NFKB1: variants seen among roughly 807,000 people sequenced by gnomAD.
NFKB1 encodes nuclear factor NF-kappa-B p105 subunit.
NFKB1 carries 9 observed loss-of-function variants against 105.1 expected under a neutral mutation model. The ratio of observed to expected loss-of-function variants is 0.09; its 90% CI spans 0.05 to 0.15. The LOEUF is 0.15. NFKB1 is among the 10% of genes least tolerant of loss of function. The pLI is 1.00. For missense variants in NFKB1, 830 were observed against 1,203.7 expected, an observed-to-expected ratio of 0.69 and a Z score of 4.59; for synonymous variants, 440 against 442.2, an observed-to-expected ratio of 1.00 and a Z score of 0.06.
In NFKB1 at chr4:102,613,449, C is replaced by T. The variant is rs535632370; in HGVS notation, c.2617C>T (p.Leu873=). 1.9e-5 allele frequency: 30 copies of T among 1,613,932 alleles called. 1 individual carries two copies. The South Asian group carries it at 2.9e-4, about 15-fold the overall frequency. Reference sequence around the variant, plus strand: ...GGTCTCTGGGGGTACAGTCAGAGAGCTGGTGGAGGCCCTGAGACAAATGGG... The same window carrying T: ...GGTCTCTGGGGGTACAGTCAGAGAGTTGGTGGAGGCCCTGAGACAAATGGG... ...YEVSGGTVRE[L]VEALRQMGYT... is the part of the protein sequence containing the mutation. Residue 873 remains leucine, a synonymous_variant, in exon 23 of 24, where the codon CTG becomes TTG. Coordinates refer to ENST00000226574, the MANE Select transcript of NFKB1 (RefSeq NM_003998.4).
chr4:102,535,333 C>T (rs1741563857), intron 4 of NFKB1, among the ~76,000 whole-genome samples: 1 of 151,980 alleles, frequency 6.6e-6, no homozygotes, highest in Non-Finnish European at 1.5e-5. Flanking sequence ...AAATGTAATT[C>T]CTTATTATGG....
At chr4:102,539,452 C>T (rs558409106) in intron 5 of NFKB1, among the ~76,000 whole-genome samples, 1 of 152,042 alleles carries the variant, frequency 6.6e-6, no homozygotes, top group African/African-American at 2.4e-5. Context: ...GTCATAGTTG[C>T]ATTTTAAGTC....
intron 5 of NFKB1, among the ~76,000 whole-genome samples, chr4:102,541,694 A>T (rs1173658850): frequency 6.6e-6 from 1 of 152,158 alleles, no homozygotes; most frequent in Non-Finnish European, 1.5e-5. Flanking sequence ...TCCAGAAGCC[A>T]TTCCCACAGG....
intron 1 of NFKB1, among the ~76,000 whole-genome samples, chr4:102,502,466 C>T (rs1228531013): frequency 1.3e-5 from 2 of 148,546 alleles, no homozygotes; most frequent in African/African-American, 2.5e-5. Context: ...TCTGATCCTC[C>T]GGGGCCTGGC....
chr4:102,526,921 T>C (rs1740952237), intron 2 of NFKB1, among the ~76,000 whole-genome samples: 3 of 136,956 alleles, frequency 2.2e-5, no homozygotes, highest in South Asian at 4.5e-4. Flanking sequence ...TGCTCTCTTT[T>C]TCGTGTGTGT....
At chr4:102,516,176 A>T (rs1740169348) in intron 1 of NFKB1, among the ~76,000 whole-genome samples, 1 of 147,950 alleles carries the variant, frequency 6.8e-6, no homozygotes. Context: ...CTATTTTGGG[A>T]TTTTTTTTTT....
At chr4:102,535,024 T>C (rs1446433037) in intron 4 of NFKB1, among the ~76,000 whole-genome samples, 3 of 152,166 alleles carry the variant, frequency 2.0e-5, no homozygotes, top group Non-Finnish European at 4.4e-5. Context: ...CATGAAACTT[T>C]GGGGCATGGT....
chr4:102,551,458 C>T (rs574558908), intron 5 of NFKB1, among the ~76,000 whole-genome samples: 6 of 152,120 alleles, frequency 3.9e-5, no homozygotes, highest in Non-Finnish European at 8.8e-5. Flanking sequence ...GATAGTCTCT[C>T]CCTTCTCTGT....
At chr4:102,533,971 C>T in intron 4 of NFKB1, 86 bp downstream of exon 4, 1 of 1,144,994 alleles carries the variant, frequency 8.7e-7, no homozygotes. Context: ...TAAATGAGTT[C>T]TATGAAGGAA....
intron 5 of NFKB1, among the ~76,000 whole-genome samples, chr4:102,556,496 G>T (rs78332171): frequency 6.6e-6 from 1 of 152,122 alleles, no homozygotes; most frequent in African/African-American, 2.4e-5. Flanking sequence ...ATGGGGAGTT[G>T]GGGGAGACTT....
chr4:102,607,944 C>T (rs1727973445), intron 19 of NFKB1, among the ~76,000 whole-genome samples, 193 bp downstream of exon 19: 1 of 152,134 alleles, frequency 6.6e-6, no homozygotes, highest in African/African-American at 2.4e-5. Flanking sequence ...TTGGGCTTTA[C>T]CCTGATAGTC....
intron 5 of NFKB1, among the ~76,000 whole-genome samples, chr4:102,539,172 G>A (rs942340087): frequency 6.6e-6 from 1 of 150,652 alleles, no homozygotes; most frequent in African/African-American, 2.4e-5. Flanking sequence ...GGGAAGCGGA[G>A]GTTGCAGTGA....
In NFKB1 at chr4:102,613,565, C is replaced by T; in HGVS notation, c.2733C>T (p.Ser911=). ...QAHSLPLSPA[S]TRQQIDELRD... ...ACTCGCTGCCTCTCTCGCCTGCCTC[C>T]ACAAGGCAGCAAATAGGTAAAAAAA... The change falls in exon 23 of 24, where the codon TCC becomes TCT. Residue 911 remains serine (S), a synonymous_variant. Coordinates refer to ENST00000226574, the MANE Select transcript of NFKB1 (RefSeq NM_003998.4). 1 of 1,612,866 alleles carries T rather than the reference C, an allele frequency of 6.2e-7. No individual in the cohort carries two copies. Among genetic ancestry groups the T allele is most frequent in the Non-Finnish European group, 8.5e-7 (1 of 1,179,670 alleles).
In NFKB1 at chr4:102,579,058, A is replaced by T. The variant is rs368142158; in HGVS notation, c.730+19A>T. On this transcript the variant is annotated intron_variant, in intron 8 of 23. Transcript: ENST00000226574. Reference sequence around the variant, plus strand: ...GACAGTAGTGAGTACTTCACTTCCAACAGGGGGCACACCAAGAATAGACTT... The same window carrying T: ...GACAGTAGTGAGTACTTCACTTCCATCAGGGGGCACACCAAGAATAGACTT... 9.2e-5 allele frequency: 147 copies of T among 1,606,210 alleles called. No homozygotes were observed. The highest frequency in any genetic ancestry group is 1.2e-4 in the Non-Finnish European group (143 of 1,174,768).
At chr4:102,594,564 C>G (rs1047818259) in intron 12 of NFKB1, among the ~76,000 whole-genome samples, 6 of 152,088 alleles carry the variant, frequency 3.9e-5, no homozygotes, top group Non-Finnish European at 7.4e-5. Flanking sequence ...ATTTTAATGT[C>G]TTCTACATAG....
At chr4:102,543,614 A>G (rs1721892667) in intron 5 of NFKB1, among the ~76,000 whole-genome samples, 1 of 151,932 alleles carries the variant, frequency 6.6e-6, no homozygotes, top group Admixed American at 6.6e-5. Flanking sequence ...TAAAAAAAAA[A>G]AAAAAAGGCT....
At chr4:102,595,343 A>G (rs965556183) in intron 13 of NFKB1, among the ~76,000 whole-genome samples, 5 of 152,222 alleles carry the variant, frequency 3.3e-5, no homozygotes, top group African/African-American at 1.2e-4. Flanking sequence ...TGAGTTTTAT[A>G]GGATCGGTCT....
chr4:102,539,405 A>C (rs1352581226), intron 5 of NFKB1, among the ~76,000 whole-genome samples: 1 of 152,168 alleles, frequency 6.6e-6, no homozygotes. Context: ...TTACCTTTCA[A>C]GTGAAACTCA....
chr4:102,559,476 G>T (rs1453268526), intron 5 of NFKB1, among the ~76,000 whole-genome samples: 1 of 152,020 alleles, frequency 6.6e-6, no homozygotes, highest in East Asian at 1.9e-4. Context: ...AAACACAGGA[G>T]CAAAAGCTTA....
Sources: allele counts gnomAD v4.1 joint callset (sites outside exome capture counted in the v4.1 genomes callset), GRCh38; gene constraint gnomAD v4.1.1; transcripts MANE v1.5; gene names NCBI Gene and HGNC (gene_info 2026-07-23, HGNC 2026-07-21).